The following SUMF1 variants were observed in gnomAD, a reference collection of about 807,000 sequenced individuals.
The protein encoded by SUMF1 is formylglycine-generating enzyme.
In SUMF1, 48 loss-of-function variants were observed where a neutral mutation model predicts 47.6. That is an observed-to-expected ratio of 1.01 (90% confidence interval 0.80 to 1.28). The LOEUF (loss-of-function observed/expected upper bound fraction) is 1.28, where lower values mean the gene tolerates loss of function less well. SUMF1 is among the 50% of genes most tolerant of loss of function. The pLI, the probability that SUMF1 is intolerant of heterozygous loss-of-function variation, is 0.00. For synonymous variants in SUMF1, 230 were observed against 192.1 expected (o/e 1.20, Z -1.63); for missense variants, 571 against 485.4 (o/e 1.18, Z -1.66).
intron 8 of SUMF1, among the ~76,000 whole-genome samples, chr3:4,104,418 C>A (rs1233631841): frequency 6.6e-6 from 1 of 151,964 alleles, no homozygotes; most frequent in Non-Finnish European, 1.5e-5. Context: ...ACTAATACAG[C>A]CCTTCAGATC....
chr3:4,050,531 C>T (rs1294586790), intron 9 of SUMF1, among the ~76,000 whole-genome samples: 3 of 151,272 alleles, frequency 2.0e-5, no homozygotes, highest in African/African-American at 7.3e-5. Flanking sequence ...TGTTTGAGTC[C>T]AGGAGTTCAA....
rs577859591 is a variant in SUMF1, at chr3:4,266,405, T to C, written c.1014+109925A>G. Among the ~76,000 whole-genome samples the C allele has an allele frequency of 8.0e-5, 12 of 149,300 alleles. No individual in the cohort carries two copies. The East Asian group carries it at 1.6e-3, about 20-fold the overall frequency. ...TTTGTTTGTATCCTCTTTTATCTCA[T>C]TGAGCAGTGGTTTGTAGTTCTCCTT... is the stretch of plus-strand genomic sequence containing the variant. On this transcript the variant is annotated intron_variant and NMD_transcript_variant, in intron 8 of 12. Coordinates refer to the SUMF1 transcript ENST00000448413.
At chr3:4,303,298 G>A (rs1288462144) in intron 8 of SUMF1, 24 of 1,425,848 alleles carry the variant, frequency 1.7e-5, no homozygotes, top group Non-Finnish European at 2.0e-5. Flanking sequence ...GTGGGGCCAC[G>A]GGACCACAAG....
At chr3:4,051,854 C>A (rs1695116974) in intron 9 of SUMF1, among the ~76,000 whole-genome samples, 2 of 152,160 alleles carry the variant, frequency 1.3e-5, no homozygotes, top group Admixed American at 1.3e-4. Flanking sequence ...TTCTTTTCTA[C>A]CCCTGCAGCC....
chr3:4,085,570 C>A (rs1388187171), intron 8 of SUMF1, among the ~76,000 whole-genome samples: 3 of 152,108 alleles, frequency 2.0e-5, no homozygotes, highest in African/African-American at 7.2e-5. Flanking sequence ...TTTTGTCACT[C>A]ATAGTCAGTC....
chr3:4,151,421 GTGTATACATGTGTA>G (rs1694324945), intron 8 of SUMF1, among the ~76,000 whole-genome samples: 2 of 50,998 alleles, frequency 3.9e-5, no homozygotes, highest in Admixed American at 2.1e-4. Context: ...ATGTATATAT[GTGTATACATGTGTA>G]TATATGTATA....
intron 9 of SUMF1, among the ~76,000 whole-genome samples, chr3:4,064,559 T>C (rs1470844165): frequency 6.6e-6 from 1 of 152,166 alleles, no homozygotes; most frequent in East Asian, 1.9e-4. Flanking sequence ...GTTTCTTTAC[T>C]TGTCTAATAA....
chr3:4,465,206 G>C (rs1016361189), intron 1 of SUMF1, among the ~76,000 whole-genome samples: 1 of 152,202 alleles, frequency 6.6e-6, no homozygotes, highest in Non-Finnish European at 1.5e-5. Flanking sequence ...GCTTGGCGCG[G>C]TGGCTCACGT....
chr3:4,076,862 G>C (rs1188507334), intron 8 of SUMF1, among the ~76,000 whole-genome samples: 1 of 152,012 alleles, frequency 6.6e-6, no homozygotes, highest in Non-Finnish European at 1.5e-5. Flanking sequence ...AAATTAGACA[G>C]GTGTGGTGGC....
chr3:4,034,504 T>C (rs1320798204), intron 9 of SUMF1, among the ~76,000 whole-genome samples: 1 of 152,166 alleles, frequency 6.6e-6, no homozygotes, highest in Non-Finnish European at 1.5e-5. Flanking sequence ...AAATTACTTG[T>C]GTTGCCTGAA....
chr3:4,097,814 C>G (rs1692939949), intron 8 of SUMF1, among the ~76,000 whole-genome samples: 1 of 152,082 alleles, frequency 6.6e-6, no homozygotes, highest in Admixed American at 6.5e-5. Flanking sequence ...TTTCTTACAT[C>G]CAGCAGTCCT....
intron 8 of SUMF1, among the ~76,000 whole-genome samples, chr3:4,375,245 T>C (rs529127459): frequency 5.9e-5 from 9 of 152,038 alleles, no homozygotes; most frequent in Admixed American, 1.3e-4. Flanking sequence ...AACTTCAACC[T>C]GAATCACTGG....
chr3:4,142,878 T>C (rs1233217752), intron 8 of SUMF1, among the ~76,000 whole-genome samples: 1 of 152,012 alleles, frequency 6.6e-6, no homozygotes, highest in East Asian at 1.9e-4. Context: ...TCAAAGACTT[T>C]CTAGCTCCAA....
intron 8 of SUMF1, among the ~76,000 whole-genome samples, chr3:4,322,416 T>C (rs1018515401): frequency 2.0e-5 from 3 of 152,014 alleles, no homozygotes; most frequent in Admixed American, 6.6e-5. Flanking sequence ...GGCTATGGGA[T>C]ATATAGGACC....
At chr3:4,290,253 T>C (rs1697713381) in intron 8 of SUMF1, among the ~76,000 whole-genome samples, 1 of 147,658 alleles carries the variant, frequency 6.8e-6, no homozygotes, top group Non-Finnish European at 1.5e-5. Context: ...TCGTTATAAC[T>C]TGAACATAAA....
chr3:4,372,232 C>T (rs1017842394), intron 8 of SUMF1, among the ~76,000 whole-genome samples: 11 of 151,970 alleles, frequency 7.2e-5, no homozygotes, highest in African/African-American at 2.7e-4. Flanking sequence ...ACCTGGGAGG[C>T]GGACATTGCA....
intron 9 of SUMF1, among the ~76,000 whole-genome samples, chr3:4,042,629 C>A (rs1694928970): frequency 6.6e-6 from 1 of 152,180 alleles, no homozygotes; most frequent in East Asian, 1.9e-4. Context: ...CTTTAAAAAC[C>A]ATTTCTTTCT....
chr3:4,111,103 A>G (rs1693295859), intron 8 of SUMF1, among the ~76,000 whole-genome samples: 2 of 151,820 alleles, frequency 1.3e-5, no homozygotes, highest in Non-Finnish European at 2.9e-5. Context: ...GAAAGAAAAT[A>G]CACCCCTCCC....
At position 4,142,994 on chromosome 3, in the gene SUMF1, G is replaced by A. The variant is rs13094691; in HGVS notation, c.1015-74249C>T. Reference sequence around the variant, plus strand: ...GAAATGTGAAAGCAGTCACCTCCAAGACAAAGAATACTCTGACAAAGTTTG... The same window carrying A: ...GAAATGTGAAAGCAGTCACCTCCAAAACAAAGAATACTCTGACAAAGTTTG... On this transcript the variant is annotated intron_variant and NMD_transcript_variant, in intron 8 of 12. Coordinates refer to the SUMF1 transcript ENST00000448413. Among the ~76,000 whole-genome samples, 1,350 of 152,186 alleles carry A rather than the reference G, an allele frequency of 8.9e-3. 17 individuals carry two copies. Among genetic ancestry groups the A allele is most frequent in the Middle Eastern group, 0.044 (13 of 294 alleles).
Sources: gnomAD v4.1 joint callset for allele counts (sites outside exome capture counted in the v4.1 genomes callset) on GRCh38, gnomAD v4.1.1 for gene constraint, MANE v1.5 for transcripts, NCBI Gene and HGNC (gene_info 2026-07-23, HGNC 2026-07-21) for gene names.